Variants in ADAM23 observed in about 807,000 individuals in gnomAD.
ADAM23 encodes the protein ADAM metallopeptidase domain 23.
Under a neutral mutation model 120.1 loss-of-function variants are expected in ADAM23, and 33 were observed. The observed-to-expected ratio is 0.27, with a 90% CI of 0.21 to 0.37. ADAM23 has a LOEUF of 0.37. ADAM23 is among the 10% of genes least tolerant of loss of function. The probability of loss-of-function intolerance (pLI) is 1.00; values close to 1 mark genes in which losing one functional copy is unlikely to be tolerated. For synonymous variants in ADAM23, 367 were observed against 375.2 expected, an observed-to-expected ratio of 0.98 and a Z score of 0.25; for missense variants, 862 against 1,058.2, an observed-to-expected ratio of 0.81 and a Z score of 2.57.
At chr2:206,588,325 A>G (rs542818364) in intron 20 of ADAM23, among the ~76,000 whole-genome samples, 171 bp downstream of exon 20, 1 of 152,308 alleles carries the variant, frequency 6.6e-6, no homozygotes, top group Admixed American at 6.5e-5. Flanking sequence ...ACTATAGAAA[A>G]CAACTGCTTA....
At chr2:206,587,409 A>G (rs1698343748) in intron 19 of ADAM23, 34 bp downstream of exon 19, 1 of 1,504,486 alleles carries the variant, frequency 6.6e-7, no homozygotes, top group Non-Finnish European at 8.9e-7. Flanking sequence ...GTGTAATTTA[A>G]AAAGGATTCA....
intron 18 of ADAM23, among the ~76,000 whole-genome samples, chr2:206,576,734 A>G (rs934871610): frequency 1.3e-5 from 2 of 152,176 alleles, no homozygotes; most frequent in Non-Finnish European, 2.9e-5. Flanking sequence ...TTTTTATATT[A>G]GCATTTACTG....
intron 22 of ADAM23, 64 bp from the exon 23 acceptor site, chr2:206,594,673 T>G: frequency 6.3e-7 from 1 of 1,586,000 alleles, no homozygotes; most frequent in Non-Finnish European, 8.6e-7. Context: ...AGAGCAAGCC[T>G]CATTCATGGA....
chr2:206,508,242 G>C (rs62195947), intron 3 of ADAM23, among the ~76,000 whole-genome samples: 1 of 152,140 alleles, frequency 6.6e-6, no homozygotes, highest in Non-Finnish European at 1.5e-5. Flanking sequence ...TGTTAGCCAG[G>C]ATGGTCTTGA....
chr2:206,481,455 G>A (rs1695894724), intron 3 of ADAM23, 147 bp downstream of exon 3: 3 of 512,968 alleles, frequency 5.8e-6, no homozygotes, highest in South Asian at 1.3e-4. Context: ...AATTCTGAAT[G>A]GTGAATTATA....
chr2:206,497,196 C>T (rs945662503), intron 3 of ADAM23, among the ~76,000 whole-genome samples: 20 of 151,946 alleles, frequency 1.3e-4, no homozygotes, highest in African/African-American at 3.6e-4. Context: ...AGAGACACAA[C>T]GAAAAAAGAG....
chr2:206,467,105 A>T (rs765794521), intron 2 of ADAM23, among the ~76,000 whole-genome samples: 1 of 152,218 alleles, frequency 6.6e-6, no homozygotes, highest in Non-Finnish European at 1.5e-5. Context: ...ATTATAAATG[A>T]ACATGAGATT....
At chr2:206,466,146 C>T (rs752836373) in intron 2 of ADAM23, among the ~76,000 whole-genome samples, 1 of 152,130 alleles carries the variant, frequency 6.6e-6, no homozygotes, top group African/African-American at 2.4e-5. Flanking sequence ...ACTTCCAGAA[C>T]ATGGAAGTGA....
chr2:206,469,121 A>G (rs1247074491), intron 2 of ADAM23, among the ~76,000 whole-genome samples: 1 of 152,196 alleles, frequency 6.6e-6, no homozygotes, highest in Non-Finnish European at 1.5e-5. Context: ...ACAATTGAAC[A>G]TGAGATTTGG....
intron 3 of ADAM23, among the ~76,000 whole-genome samples, chr2:206,502,827 C>T (rs1292333519): frequency 1.3e-5 from 2 of 152,124 alleles, no homozygotes; most frequent in Non-Finnish European, 2.9e-5. Context: ...TAGATCTCTA[C>T]TCAATACAAT....
At chr2:206,594,604 A>C (rs1380716382) in intron 22 of ADAM23, 133 bp from the exon 23 acceptor site, 1 of 901,746 alleles carries the variant, frequency 1.1e-6, no homozygotes, top group East Asian at 2.6e-5. Flanking sequence ...GAAGAAGAAG[A>C]GGAGTAAGAA....
intron 3 of ADAM23, among the ~76,000 whole-genome samples, chr2:206,507,443 A>G (rs558019386): frequency 1.4e-4 from 22 of 152,262 alleles, no homozygotes; most frequent in South Asian, 2.1e-4. Flanking sequence ...TGCTCTGGCC[A>G]TGTGAAATGC....
intron 3 of ADAM23, among the ~76,000 whole-genome samples, chr2:206,507,413 C>A (rs975447978): frequency 2.6e-5 from 4 of 152,094 alleles, no homozygotes; most frequent in Admixed American, 2.0e-4. Flanking sequence ...AGCACCACCC[C>A]CCTTGCATCC....
chr2:206,540,497 A>C (rs566130665), intron 4 of ADAM23, among the ~76,000 whole-genome samples: 5 of 152,178 alleles, frequency 3.3e-5, no homozygotes, highest in African/African-American at 1.2e-4. Flanking sequence ...TCTCCCGATA[A>C]CCCACCTAAA....
At chr2:206,617,161 C>G (rs1380905432) in intron 25 of ADAM23, among the ~76,000 whole-genome samples, 1 of 152,070 alleles carries the variant, frequency 6.6e-6, no homozygotes, top group Non-Finnish European at 1.5e-5. Flanking sequence ...CTGCTATAAG[C>G]CTGAAGGGAA....
chr2:206,498,524 G>T (rs545856020), intron 3 of ADAM23, among the ~76,000 whole-genome samples: 341 of 152,278 alleles, frequency 2.2e-3, no homozygotes, highest in Non-Finnish European at 4.0e-3. Flanking sequence ...AGACTTACAT[G>T]TTAGACCTAA....
chr2:206,537,051 A>T (rs890993032), intron 4 of ADAM23, among the ~76,000 whole-genome samples: 23 of 151,962 alleles, frequency 1.5e-4, no homozygotes, highest in African/African-American at 5.6e-4. Context: ...AAAAATATTG[A>T]TTTACCTTGT....
chr2:206,552,978 A>G (rs916539118), intron 9 of ADAM23, among the ~76,000 whole-genome samples: 1 of 152,044 alleles, frequency 6.6e-6, no homozygotes, highest in Non-Finnish European at 1.5e-5. Context: ...TATTATTACT[A>G]TTATTAAAAT....
chr2:206,605,834 A>T lies in ADAM23; in HGVS notation c.2360-4076A>T, dbSNP rs538847313. 158 of 699,006 alleles carry T rather than the reference A, an allele frequency of 2.3e-4. 1 individual carries two copies. Among genetic ancestry groups the T allele is most frequent in the South Asian group, 2.1e-3 (137 of 66,678 alleles). The allele number at this position is 699,006 out of a possible 1,614,324, so 43.3% of individuals were successfully genotyped here. A position where few individuals can be genotyped will look rare whatever the true frequency, so the allele number is the denominator to read the frequency against. ...GCTAATAGGGGCCGTGGCCGGCACC[A>T]TTCTGGCCCTGGGGGTGATTTTTGG... is the stretch of plus-strand genomic sequence containing the variant. On this transcript the variant is annotated intron_variant, in intron 24 of 25. Coordinates refer to ENST00000264377, the MANE Select transcript of ADAM23 (RefSeq NM_003812.4).
Sources: allele counts gnomAD v4.1 joint callset (sites outside exome capture counted in the v4.1 genomes callset), GRCh38; gene constraint gnomAD v4.1.1; transcripts MANE v1.5; gene names NCBI Gene and HGNC (gene_info 2026-07-23, HGNC 2026-07-21).